LRP1B: variants seen among roughly 807,000 people sequenced by gnomAD.
LRP1B encodes LDL receptor related protein 1B.
LRP1B carries 217 observed loss-of-function variants against 556.6 expected under a neutral mutation model. The ratio of observed to expected loss-of-function variants is 0.39; its 90% CI spans 0.35 to 0.44. The LOEUF is 0.44. Among genes scored for constraint, LRP1B ranks in the 20% least tolerant of loss-of-function variants. The pLI is 1.00. For synonymous variants in LRP1B, 2,047 were observed against 1,865.8 expected (o/e 1.10, Z -2.50); for missense variants, 5,053 against 5,620.8 (o/e 0.90, Z 3.23).
In LRP1B at chr2:140,876,363, CTATT is replaced by C. The variant is rs533474056; in HGVS notation, c.4169+7450_4169+7453del. ...ACCTGATTTCTACAGAATTTTGAAA[CTATT>C]TGTGAGTATTGTTAGCTTATGGCAA... On this transcript the variant is annotated intron_variant, in intron 25 of 90. Transcript: ENST00000389484. Among the ~76,000 whole-genome samples the C allele has an allele frequency of 5.4e-3, 819 of 152,216 alleles. 7 individuals are homozygous for C. Among genetic ancestry groups the C allele is most frequent in the South Asian group, 8.3e-3 (40 of 4,826 alleles).
At chr2:142,106,008 G>A (rs1706734022) in intron 1 of LRP1B, among the ~76,000 whole-genome samples, 1 of 152,072 alleles carries the variant, frequency 6.6e-6, no homozygotes, top group South Asian at 2.1e-4. Context: ...ACAATGAACT[G>A]CTGGATTACT....
chr2:141,527,968 C>T (rs990065691), intron 2 of LRP1B, among the ~76,000 whole-genome samples: 5 of 151,916 alleles, frequency 3.3e-5, no homozygotes, highest in African/African-American at 1.2e-4. Flanking sequence ...TTATGATAAA[C>T]TCAGAGGCTC....
At chr2:142,091,392 G>A (rs1262811048) in intron 1 of LRP1B, among the ~76,000 whole-genome samples, 4 of 151,812 alleles carry the variant, frequency 2.6e-5, no homozygotes, top group Non-Finnish European at 4.4e-5. Flanking sequence ...AAATAAAATT[G>A]GCTTTTATTT....
intron 15 of LRP1B, among the ~76,000 whole-genome samples, chr2:141,004,315 C>T (rs1182482832): frequency 6.6e-6 from 1 of 152,070 alleles, no homozygotes; most frequent in African/African-American, 2.4e-5. Context: ...GTAGACTGCC[C>T]TCAGTCGTGT....
chr2:141,324,407 T>C (rs1023600489), intron 3 of LRP1B, among the ~76,000 whole-genome samples: 1 of 152,186 alleles, frequency 6.6e-6, no homozygotes, highest in African/African-American at 2.4e-5. Flanking sequence ...AAATACTTTT[T>C]GCTCCTGTCA....
chr2:141,721,878 G>A (rs1692827538), intron 2 of LRP1B, among the ~76,000 whole-genome samples: 1 of 152,068 alleles, frequency 6.6e-6, no homozygotes, highest in Non-Finnish European at 1.5e-5. Flanking sequence ...CCATTAAAAC[G>A]ACCAAACCAG....
chr2:140,938,772 C>A (rs555913889), intron 20 of LRP1B, among the ~76,000 whole-genome samples: 23 of 151,914 alleles, frequency 1.5e-4, no homozygotes, highest in Non-Finnish European at 3.2e-4. Context: ...TACATTAACT[C>A]CCTTTTCTTC....
At chr2:142,025,746 C>A (rs190286313) in intron 1 of LRP1B, among the ~76,000 whole-genome samples, 1 of 152,058 alleles carries the variant, frequency 6.6e-6, no homozygotes, top group Non-Finnish European at 1.5e-5. Flanking sequence ...AAATTTCACA[C>A]TGTGTGTGTG....
intron 1 of LRP1B, among the ~76,000 whole-genome samples, chr2:142,029,181 T>A (rs1313035300): frequency 6.6e-6 from 1 of 151,914 alleles, no homozygotes; most frequent in African/African-American, 2.4e-5. Flanking sequence ...CCAGAGTTTC[T>A]AAATCAGAAT....
chr2:142,092,562 A>G (rs75310215), intron 1 of LRP1B, among the ~76,000 whole-genome samples: 6,561 of 152,180 alleles, frequency 0.043, 228 homozygotes, highest in Non-Finnish European at 0.058. Context: ...AGTGGGAACA[A>G]CATAGGAGTG....
chr2:141,506,675 T>C (rs1284124580), intron 2 of LRP1B, among the ~76,000 whole-genome samples: 2 of 152,082 alleles, frequency 1.3e-5, no homozygotes, highest in African/African-American at 4.8e-5. Flanking sequence ...TGTATTAGTA[T>C]GTTATAATAT....
At chr2:141,263,374 C>G (rs1326144757) in intron 3 of LRP1B, among the ~76,000 whole-genome samples, 1 of 151,952 alleles carries the variant, frequency 6.6e-6, no homozygotes, top group East Asian at 1.9e-4. Context: ...TAAAAGAAAA[C>G]TATGAACAAC....
At chr2:141,943,731 T>TCTTA (rs1666343545) in intron 1 of LRP1B, among the ~76,000 whole-genome samples, 2 of 152,050 alleles carry the variant, frequency 1.3e-5, no homozygotes, top group African/African-American at 4.8e-5. Flanking sequence ...ACAACTGAAG[T>TCTTA]CTTAATACAT....
intron 63 of LRP1B, among the ~76,000 whole-genome samples, chr2:140,448,041 G>A (rs568947821): frequency 6.6e-6 from 1 of 151,148 alleles, no homozygotes; most frequent in Non-Finnish European, 1.5e-5. Flanking sequence ...AATACTGATT[G>A]TATCACCAAA....
intron 2 of LRP1B, among the ~76,000 whole-genome samples, chr2:141,781,615 C>T (rs1190715957): frequency 7.2e-5 from 11 of 152,124 alleles, no homozygotes; most frequent in African/African-American, 1.7e-4. Context: ...GTTTGAACTT[C>T]GGCAGAGGAG....
At chr2:140,370,674 CTCAT>C (rs1472248897) in intron 71 of LRP1B, 32 bp downstream of exon 71, 2 of 1,608,222 alleles carry the variant, frequency 1.2e-6, no homozygotes, top group African/African-American at 2.7e-5. Flanking sequence ...CTTTCATTCT[CTCAT>C]TTACAGGCAC....
chr2:140,395,159 G>A (rs1187729486), intron 66 of LRP1B, among the ~76,000 whole-genome samples: 1 of 152,176 alleles, frequency 6.6e-6, no homozygotes, highest in Admixed American at 6.6e-5. Flanking sequence ...TAATAGTAAT[G>A]TTGTTATCTG....
chr2:140,722,347 C>A (rs569068270), intron 35 of LRP1B, among the ~76,000 whole-genome samples: 1 of 152,120 alleles, frequency 6.6e-6, no homozygotes, highest in African/African-American at 2.4e-5. Flanking sequence ...TGGATACCTA[C>A]CCGGAGGTAA....
chr2:140,301,752 T>TAC (rs1683833339), intron 83 of LRP1B, among the ~76,000 whole-genome samples: 1 of 151,896 alleles, frequency 6.6e-6, no homozygotes, highest in Non-Finnish European at 1.5e-5. Flanking sequence ...TATATATATA[T>TAC]ACACATATAT....
Sources: gnomAD v4.1 joint callset for allele counts (sites outside exome capture counted in the v4.1 genomes callset) on GRCh38, gnomAD v4.1.1 for gene constraint, MANE v1.5 for transcripts, NCBI Gene and HGNC (gene_info 2026-07-23, HGNC 2026-07-21) for gene names.